CDC42BPB: variants seen among roughly 807,000 people sequenced by gnomAD.
CDC42BPB encodes the protein CDC42 binding protein kinase beta, also known as serine/threonine-protein kinase MRCK beta.
CDC42BPB carries 37 observed loss-of-function variants against 214.9 expected under a neutral mutation model. That is an observed-to-expected ratio of 0.17 (90% CI 0.13 to 0.23). The LOEUF (loss-of-function observed/expected upper bound fraction) is 0.23. CDC42BPB is among the 10% of genes least tolerant of loss of function. The pLI is 1.00. For missense variants in CDC42BPB, 1,694 were observed against 2,227.0 expected (o/e 0.76, Z 4.82); for synonymous variants, 931 against 884.0 (o/e 1.05, Z -0.94).
chr14:103,020,542 G>A (rs1211838976), intron 1 of CDC42BPB, among the ~76,000 whole-genome samples: 1 of 152,230 alleles, frequency 6.6e-6, no homozygotes, highest in African/African-American at 2.4e-5. Context: ...GTATGGATGT[G>A]TGCGAGGGCC....
chr14:102,995,972 A>G lies in CDC42BPB; in HGVS notation c.596+3593T>C, dbSNP rs35378089. 3.3e-5 allele frequency among the ~76,000 whole-genome samples: 5 copies of G among 152,320 alleles called. No individual in the cohort carries two copies. In the East Asian group the frequency reaches 9.6e-4, roughly 29 times the overall value. On this transcript the variant is annotated intron_variant, in intron 5 of 36. Transcript: ENST00000361246. ...CTGAATAATGAGTTAATTTGGGGGG[A>G]AAAATAAAGTTTTAAAATTACATAT...
chr14:102,971,510 C>T (rs1893472387), intron 13 of CDC42BPB, among the ~76,000 whole-genome samples: 1 of 152,200 alleles, frequency 6.6e-6, no homozygotes, highest in Non-Finnish European at 1.5e-5. Context: ...AGGCTGGTCT[C>T]AAACTCCTAA....
intron 21 of CDC42BPB, among the ~76,000 whole-genome samples, chr14:102,956,633 C>T (rs116518531): frequency 0.013 from 2,032 of 151,962 alleles, 52 homozygotes; most frequent in African/African-American, 0.047. Flanking sequence ...AGTTTGAGAC[C>T]GGTCTGGGCA....
intron 1 of CDC42BPB, among the ~76,000 whole-genome samples, chr14:103,036,124 C>A (rs1423564660): frequency 6.6e-6 from 1 of 150,580 alleles, no homozygotes; most frequent in Non-Finnish European, 1.5e-5. Flanking sequence ...GTACTTCTGT[C>A]TCAAAAAATA....
At chr14:103,042,256 G>A (rs1888042026) in intron 1 of CDC42BPB, among the ~76,000 whole-genome samples, 1 of 152,126 alleles carries the variant, frequency 6.6e-6, no homozygotes, top group African/African-American at 2.4e-5. Flanking sequence ...TGTCCAATAT[G>A]GGGCTTGTAT....
chr14:102,972,125 C>T lies in CDC42BPB; in HGVS notation c.1678G>A (p.Ala560Thr). The T allele has an allele frequency of 1.2e-6, 2 of 1,614,234 alleles. No homozygotes were observed. The highest frequency in any genetic ancestry group is 1.1e-5 in the South Asian group (1 of 91,088). The change falls in exon 13 of 37, where the codon GCC becomes ACC. Residue 560 changes from alanine (A) to threonine (T), a missense_variant. Transcript: ENST00000361246. The stretch of plus-strand genomic sequence containing the variant: ...TGATGGGCATCTTTGAGTTCCTTGG[C>T]CTGGGATTTCAACCGCTCTGAGGCT... ...VEASERLKSQ[A>T]KELKDAHQQR...
intron 5 of CDC42BPB, among the ~76,000 whole-genome samples, chr14:102,996,809 T>C (rs766777354): frequency 3.3e-5 from 2 of 60,426 alleles, no homozygotes; most frequent in Non-Finnish European, 7.8e-5. Context: ...TGAGACTCCA[T>C]CTCAAAAAAA....
At chr14:103,014,026 C>T (rs1446414868) in intron 1 of CDC42BPB, among the ~76,000 whole-genome samples, 4 of 152,068 alleles carry the variant, frequency 2.6e-5, no homozygotes, top group Admixed American at 2.0e-4. Context: ...TTTAGCTGGG[C>T]GTGGTGGCGG....
At chr14:102,966,412 T>C (rs756805557) in intron 17 of CDC42BPB, 25 bp from the exon 18 acceptor site, 4 of 1,611,118 alleles carry the variant, frequency 2.5e-6, no homozygotes, top group East Asian at 2.2e-5. Context: ...AGATGTTCTA[T>C]CTCACGAAGC....
rs577359894 is a variant in CDC42BPB, at chr14:102,986,086, C to G, written c.690+401G>C. Reference sequence around the variant, plus strand: ...GAGGAAACCCCTAGCAGGAAGTTACCTGCCCCAACACAAGTGAGAAAGTAC... The same window carrying G: ...GAGGAAACCCCTAGCAGGAAGTTACGTGCCCCAACACAAGTGAGAAAGTAC... On this transcript the variant is annotated intron_variant, in intron 6 of 36. Coordinates refer to ENST00000361246, the MANE Select transcript of CDC42BPB (RefSeq NM_006035.4). Among the ~76,000 whole-genome samples the G allele has an allele frequency of 7.2e-5, 11 of 152,282 alleles. No homozygotes were observed. The East Asian group carries it at 1.9e-3, about 27-fold the overall frequency.
intron 1 of CDC42BPB, among the ~76,000 whole-genome samples, chr14:103,042,816 C>G (rs992766336): frequency 6.6e-5 from 10 of 152,114 alleles, no homozygotes; most frequent in African/African-American, 2.4e-4. Context: ...AAACTGGAAC[C>G]CTTGTGGGCT....
chr14:102,973,150 G>C lies in CDC42BPB; in HGVS notation c.1641+866C>G, dbSNP rs537849838. On this transcript the variant is annotated intron_variant, in intron 12 of 36. Transcript: ENST00000361246. The stretch of plus-strand genomic sequence containing the variant: ...GGCAGGGCAGCTCCCACACGTGAAG[G>C]GGAGGCCTCCCCAGGCCTCTCTGGG... Among the ~76,000 whole-genome samples, 8 of 152,322 alleles carry C rather than the reference G, an allele frequency of 5.3e-5. No individual in the cohort carries two copies. In the South Asian group the frequency reaches 1.2e-3, roughly 24 times the overall value.
chr14:103,018,750 G>A lies in CDC42BPB; in HGVS notation c.176-6562C>T, dbSNP rs35725949. 3.3e-5 allele frequency among the ~76,000 whole-genome samples: 5 copies of A among 152,314 alleles called. No individual in the cohort carries two copies. The East Asian group carries it at 5.8e-4, about 18-fold the overall frequency. On this transcript the variant is annotated intron_variant, in intron 1 of 36. Coordinates refer to ENST00000361246, the MANE Select transcript of CDC42BPB (RefSeq NM_006035.4). ...TAGTGCTACAGTCTGAAATCGTGAA[G>A]AGACCATCTCAAAAAATTGATTTTT...
intron 5 of CDC42BPB, among the ~76,000 whole-genome samples, chr14:102,992,752 AAT>A (rs1270466910): frequency 1.3e-5 from 2 of 149,712 alleles, no homozygotes; most frequent in African/African-American, 4.9e-5. Flanking sequence ...TATATTCAAA[AAT>A]ATATATATTC....
At chr14:102,970,639 G>A (rs865807065) in intron 13 of CDC42BPB, among the ~76,000 whole-genome samples, 8 of 152,080 alleles carry the variant, frequency 5.3e-5, no homozygotes, top group Admixed American at 1.3e-4. Flanking sequence ...GCGAACACAC[G>A]TGCCGGCACC....
At position 103,000,696 on chromosome 14, in the gene CDC42BPB, C is replaced by A. The variant is rs137991117; in HGVS notation, c.448-983G>T. ...GGGAGTAAACGCCCTGTTTATCAGC[C>A]GGGGCAGGGACCCTGTAATATTTAT... On this transcript the variant is annotated intron_variant, in intron 4 of 36. Transcript: ENST00000361246. 5.9e-3 allele frequency among the ~76,000 whole-genome samples: 892 copies of A among 152,292 alleles called. 7 individuals carry two copies. The highest frequency in any genetic ancestry group is 0.02 in the African/African-American group (839 of 41,562).
chr14:102,973,522 T>G (rs961854847), intron 12 of CDC42BPB, among the ~76,000 whole-genome samples: 1 of 152,200 alleles, frequency 6.6e-6, no homozygotes, highest in African/African-American at 2.4e-5. Flanking sequence ...CTGTCATTAC[T>G]AAGGGTCCCC....
At position 103,035,349 on chromosome 14, in the gene CDC42BPB, G is replaced by A. The variant is rs75708275; in HGVS notation, c.175+21650C>T. Among the ~76,000 whole-genome samples, 1,158 of 152,074 alleles carry A rather than the reference G, an allele frequency of 7.6e-3. 15 individuals carry two copies. The highest frequency in any genetic ancestry group is 0.027 in the African/African-American group (1,119 of 41,502). ...TGGGATTACAGGTGTGAGCCACCGC[G>A]CCCAGCTCAAGTGGTTTTATAAATG... On this transcript the variant is annotated intron_variant, in intron 1 of 36. Coordinates refer to ENST00000361246, the MANE Select transcript of CDC42BPB (RefSeq NM_006035.4).
In CDC42BPB at chr14:103,057,141, C is replaced by T. The variant is rs1889031645; in HGVS notation, c.33G>A (p.Glu11=). ...GCCAGGGCCCGTCCAGGAGCAGCTG[C>T]TCCAGCTTCTTGAGCCGCACCTTGG... MSAKVRLKKL[E]QLLLDGPWRN... Residue 11 remains glutamate (E), a synonymous_variant, in exon 1 of 37, where the codon GAG becomes GAA. Transcript: ENST00000361246. 2 of 1,503,224 alleles carry T rather than the reference C, an allele frequency of 1.3e-6. No homozygotes were observed. The highest frequency in any genetic ancestry group is 2.2e-5 in the Admixed American group (1 of 45,524). 93.1% of individuals were successfully genotyped at this position (1,503,224 alleles called of 1,614,324 possible).
Sources: gnomAD v4.1 joint callset for allele counts (sites outside exome capture counted in the v4.1 genomes callset) on GRCh38, gnomAD v4.1.1 for gene constraint, MANE v1.5 for transcripts, NCBI Gene and HGNC (gene_info 2026-07-23, HGNC 2026-07-21) for gene names.